The following NRBP2 variants were observed in gnomAD, a reference collection of about 807,000 sequenced individuals.
The protein encoded by NRBP2 is nuclear receptor binding protein 2, also known as nuclear receptor-binding protein 2.
A neutral mutation model predicts 74.4 loss-of-function variants in NRBP2; 47 were observed. The observed-to-expected ratio is 0.63, with a 90% CI of 0.50 to 0.81. The LOEUF is 0.81. Ranked by LOEUF, NRBP2 falls within the 30% of genes least tolerant of loss-of-function variation. The pLI is 0.00. For missense variants in NRBP2, 613 were observed against 690.1 expected (o/e 0.89, Z 1.25); for synonymous variants, 312 against 273.8 (o/e 1.14, Z -1.38).
At chr8:143,830,784 C>A (rs1222742406), downstream of NRBP2, among the ~76,000 whole-genome samples, 2 of 152,018 alleles carry the variant, frequency 1.3e-5, no homozygotes, top group Admixed American at 1.3e-4. Flanking sequence ...ATAAAGGAAG[C>A]CGAAGAAAAA....
downstream of NRBP2, among the ~76,000 whole-genome samples, chr8:143,830,578 CAAAAG>C (rs1818115811): frequency 6.6e-6 from 1 of 152,202 alleles, no homozygotes; most frequent in Admixed American, 6.5e-5. Context: ...GCTCCTAGCT[CAAAAG>C]AAAAGACTGG....
chr8:143,835,937 C>T lies in NRBP2; in HGVS notation c.1381+30G>A, dbSNP rs1199307282. ...GCCCACCCGCCGCCTGGGGTCACCG[C>T]CCGCCGCCCAAGTCCCCTGCCCAGC... On this transcript the variant is annotated intron_variant, in intron 16 of 17. Coordinates refer to ENST00000442628, the MANE Select transcript of NRBP2 (RefSeq NM_178564.4). The surrounding 1 kb of genome is among the most constrained non-coding windows in gnomAD (Gnocchi z 4.9). 1 of 1,590,610 alleles carries T rather than the reference C, an allele frequency of 6.3e-7. No homozygotes were observed. Among genetic ancestry groups the T allele is most frequent in the South Asian group, 1.1e-5 (1 of 89,086 alleles).
chr8:143,837,243 T>C lies in NRBP2; in HGVS notation c.1127+6A>G, dbSNP rs376652355. 423 of 1,613,840 alleles carry C rather than the reference T, an allele frequency of 2.6e-4. No individual in the cohort carries two copies. The highest frequency in any genetic ancestry group is 2.1e-3 in the Middle Eastern group (13 of 6,060). On this transcript the variant is annotated splice_donor_region_variant and intron_variant, in intron 13 of 17. Transcript: ENST00000442628. The surrounding 1 kb of genome is among the most constrained non-coding windows in gnomAD (Gnocchi z 4.3). Reference sequence around the variant, plus strand: ...GCCTGGCCCCCAACCTTACATCAGTTCTCACCTGACATCCTCCAGGAATTT... The same window carrying C: ...GCCTGGCCCCCAACCTTACATCAGTCCTCACCTGACATCCTCCAGGAATTT...
Position 143,838,913 on chromosome 8 carries a change from G to A in NRBP2, c.714C>T (p.Asp238=). 1 of 1,611,380 alleles carries A rather than the reference G, an allele frequency of 6.2e-7. No homozygotes were observed. Among genetic ancestry groups the A allele is most frequent in the Non-Finnish European group, 8.5e-7 (1 of 1,178,850 alleles). ...YGEVADGTAV[D]IFSFGMCALE... is the part of the protein sequence containing the mutation. ...GCGCACACATCCCAAAGGAGAAGAT[G>A]TCCACAGCGGTCCCATCGGCCACCT... is the stretch of plus-strand genomic sequence containing the variant. The change falls in exon 9 of 18, where the codon GAC becomes GAT. Residue 238 remains aspartate, a synonymous_variant. Transcript: ENST00000442628.
In NRBP2 at chr8:143,839,252, G is replaced by C; in HGVS notation, c.581-57C>G. The C allele has an allele frequency of 1.3e-6, 2 of 1,535,218 alleles. No individual in the cohort carries two copies. The highest frequency in any genetic ancestry group is 1.7e-6 in the Non-Finnish European group (2 of 1,146,200). On this transcript the variant is annotated intron_variant, in intron 6 of 17. Transcript: ENST00000442628. This position sits in a 1 kb window ranked among gnomAD's most constrained non-coding sequence, Gnocchi z 5.1. ...GCTGCTGGGGCATCAGAACTCCTCT[G>C]CCCTTGGCTCCAGGCACCTTCCCCT...
rs1232076669 is a variant in NRBP2, at chr8:143,833,964, CTTTAA to C, written c.*1693_*1697del. 2.0e-5 allele frequency: 3 copies of C among 152,116 alleles called. No homozygotes were observed. The highest frequency in any genetic ancestry group is 4.4e-5 in the Non-Finnish European group (3 of 68,028). 9.4% of individuals were successfully genotyped at this position (152,116 alleles called of 1,614,324 possible). A position where few individuals can be genotyped will look rare whatever the true frequency, so the allele number is the denominator to read the frequency against. Reference sequence around the variant, plus strand: ...ATAACTGAGATTCACGATTTTGTACCTTTAATTTATTTGATATGCGTTAGTAAGTC... The same window carrying C: ...ATAACTGAGATTCACGATTTTGTACCTTTATTTGATATGCGTTAGTAAGTC... On this transcript the variant is annotated 3_prime_UTR_variant, in exon 18 of 18. Coordinates refer to ENST00000442628, the MANE Select transcript of NRBP2 (RefSeq NM_178564.4).
In NRBP2 at chr8:143,834,403, GC is replaced by G. The variant is rs1347346837; in HGVS notation, c.*1258del. Reference sequence around the variant, plus strand: ...CTGCCACCGAAAGGATGTGGATTCTGCCAGCAGCCTGAAGGAGCAGGAGACA... The same window carrying G: ...CTGCCACCGAAAGGATGTGGATTCTGCAGCAGCCTGAAGGAGCAGGAGACA... On this transcript the variant is annotated 3_prime_UTR_variant, in exon 18 of 18. Transcript: ENST00000442628. 6.6e-6 allele frequency: 1 copy of G among 152,248 alleles called. No homozygotes were observed. The highest frequency in any genetic ancestry group is 1.5e-5 in the Non-Finnish European group (1 of 68,046). The allele number at this position is 152,248 out of a possible 1,614,324, so 9.4% of individuals were successfully genotyped here. A position where few individuals can be genotyped will look rare whatever the true frequency, so the allele number is the denominator to read the frequency against.
chr8:143,832,680 T>C (rs1455287554), downstream of NRBP2, among the ~76,000 whole-genome samples: 1 of 152,224 alleles, frequency 6.6e-6, no homozygotes, highest in African/African-American at 2.4e-5. Flanking sequence ...TTGTCTATGA[T>C]GCAAAGACCT....
At position 143,839,886 on chromosome 8, in the gene NRBP2, C is replaced by T; in HGVS notation, c.354+43G>A. 6.5e-7 allele frequency: 1 copy of T among 1,535,088 alleles called. No individual in the cohort carries two copies. Among genetic ancestry groups the T allele is most frequent in the Non-Finnish European group, 8.7e-7 (1 of 1,145,946 alleles). On this transcript the variant is annotated intron_variant, in intron 3 of 17. Transcript: ENST00000442628. This position sits in a 1 kb window ranked among gnomAD's most constrained non-coding sequence, Gnocchi z 5.1. ...GGGTTCGTCCCCATGCCCGCCCCAC[C>T]TAGCTGTGGTCTCTGCCTGCCCGGG...
Position 143,835,742 on chromosome 8 carries a change from G to C in NRBP2, c.1438-12C>G, listed in dbSNP as rs901463706. The C allele has an allele frequency of 2.1e-5, 34 of 1,596,522 alleles. No individual in the cohort carries two copies. Among genetic ancestry groups the C allele is most frequent in the Admixed American group, 1.4e-4 (8 of 55,642 alleles). On this transcript the variant is annotated splice_polypyrimidine_tract_variant and intron_variant, in intron 17 of 17. Coordinates refer to ENST00000442628, the MANE Select transcript of NRBP2 (RefSeq NM_178564.4). This position sits in a 1 kb window ranked among gnomAD's most constrained non-coding sequence, Gnocchi z 4.9. ...TTCATCCGGTCGTCCTGCGGAAGGA[G>C]GGAGGCATGGGGGACGGAGGGGCGC...
At chr8:143,836,414 A>C (rs1055557619) in intron 14 of NRBP2, among the ~76,000 whole-genome samples, 3 of 152,030 alleles carry the variant, frequency 2.0e-5, no homozygotes, top group Non-Finnish European at 4.4e-5. Flanking sequence ...ACTTGAACAA[A>C]GAGGGAACTG....
Position 143,837,747 on chromosome 8 carries a change from G to A in NRBP2, c.849C>T (p.Ile283=). The A allele has an allele frequency of 6.4e-7, 1 of 1,560,326 alleles. No homozygotes were observed. The highest frequency in any genetic ancestry group is 8.7e-7 in the Non-Finnish European group (1 of 1,151,288). The part of the protein sequence containing the change: ...SLSDPNMREF[I]LCCLARDPAR... The stretch of plus-strand genomic sequence containing the variant: ...CAGGGTCCCGGGCCAGGCAGCAAAG[G>A]ATGAACTCCTGGGGCACAGGGAGGA... Residue 283 remains isoleucine, a synonymous_variant, in exon 11 of 18, where the codon ATC becomes ATT. Coordinates refer to ENST00000442628, the MANE Select transcript of NRBP2 (RefSeq NM_178564.4). This position sits in a 1 kb window ranked among gnomAD's most constrained non-coding sequence, Gnocchi z 4.3.
rs2130549967 is a variant in NRBP2 at position 143,838,791 on chromosome 8, A to T, written c.745-16T>A. 1 of 1,611,952 alleles carries T rather than the reference A, an allele frequency of 6.2e-7. No individual in the cohort carries two copies. Among genetic ancestry groups the T allele is most frequent in the East Asian group, 2.2e-5 (1 of 44,836 alleles). ...GTACAGCCATCTGGGGCACAGAGCC[A>T]GGTCAGGCATGGGGAAGGGACCACA... On this transcript the variant is annotated splice_polypyrimidine_tract_variant and intron_variant, in intron 9 of 17. Coordinates refer to ENST00000442628, the MANE Select transcript of NRBP2 (RefSeq NM_178564.4).
At position 143,840,309 on chromosome 8, in the gene NRBP2, T is replaced by A. The variant is rs1295789048; in HGVS notation, c.130-80A>T. 2.0e-6 allele frequency: 3 copies of A among 1,505,516 alleles called. No individual in the cohort carries two copies. Among genetic ancestry groups the A allele is most frequent in the Non-Finnish European group, 2.7e-6 (3 of 1,126,774 alleles). 93.3% of individuals were successfully genotyped at this position (1,505,516 alleles called of 1,614,324 possible). A position where few individuals can be genotyped will look rare whatever the true frequency, so the allele number is the denominator to read the frequency against. ...AGGATTTGGTCCCTGTCCACACCTT[T>A]CCAGTGGGCCCAAGCGTGGGCTGCA... On this transcript the variant is annotated intron_variant, in intron 1 of 17. Transcript: ENST00000442628. The surrounding 1 kb of genome is among the most constrained non-coding windows in gnomAD (Gnocchi z 5.7).
chr8:143,839,853 C>A lies in NRBP2; in HGVS notation c.355-28G>T. 9 of 1,535,824 alleles carry A rather than the reference C, an allele frequency of 5.9e-6. No homozygotes were observed. The highest frequency in any genetic ancestry group is 7.8e-6 in the Non-Finnish European group (9 of 1,146,628). On this transcript the variant is annotated intron_variant, in intron 3 of 17. Transcript: ENST00000442628. This position sits in a 1 kb window ranked among gnomAD's most constrained non-coding sequence, Gnocchi z 5.1. Reference sequence around the variant, plus strand: ...GCACGGTGCGAGCTCAGGATTTCCACCAGCTGCGGGTTCGTCCCCATGCCC... The same window carrying A: ...GCACGGTGCGAGCTCAGGATTTCCAACAGCTGCGGGTTCGTCCCCATGCCC...
Position 143,839,075 on chromosome 8 carries a change from G to A in NRBP2, c.630C>T (p.Pro210=), listed in dbSNP as rs782136945. 9.8e-6 allele frequency: 15 copies of A among 1,530,194 alleles called. No individual in the cohort carries two copies. In the South Asian group the frequency reaches 1.6e-4, roughly 16 times the overall value. The allele number at this position is 1,530,194 out of a possible 1,614,324, so 94.8% of individuals were successfully genotyped here. The change falls in exon 8 of 18, where the codon CCC becomes CCT. Residue 210 remains proline (P), a synonymous_variant. Transcript: ENST00000442628. The surrounding 1 kb of genome is among the most constrained non-coding windows in gnomAD (Gnocchi z 5.1). ...SNALPDDLRS[P]IRAEREELRN... is the part of the protein sequence containing the mutation. ...GAAGTTCCTCTCGCTCAGCGCGGATGGGGCTTCGGAGATCATCTGGAAGTG... is the reference window on the plus strand; with the variant it reads ...GAAGTTCCTCTCGCTCAGCGCGGATAGGGCTTCGGAGATCATCTGGAAGTG...
chr8:143,836,521 G>A (rs1818397579), intron 14 of NRBP2, among the ~76,000 whole-genome samples: 1 of 151,986 alleles, frequency 6.6e-6, no homozygotes, highest in Non-Finnish European at 1.5e-5. Context: ...GTCAGCTGAG[G>A]ACTCCCATGA....
At position 143,837,629 on chromosome 8, in the gene NRBP2, G is replaced by A. The variant is rs781870491; in HGVS notation, c.967C>T (p.His323Tyr). 40 of 1,600,326 alleles carry A rather than the reference G, an allele frequency of 2.5e-5. No individual in the cohort carries two copies. The highest frequency in any genetic ancestry group is 3.4e-5 in the Non-Finnish European group (40 of 1,173,760). Residue 323 changes from histidine (H) to tyrosine (Y), a missense_variant, in exon 11 of 18, where the codon CAC (histidine) becomes TAC (tyrosine). Physicochemically the swap from His to Tyr is moderately conservative, Grantham distance 83. Transcript: ENST00000442628. This position sits in a 1 kb window ranked among gnomAD's most constrained non-coding sequence, Gnocchi z 4.3. ...GGGCCGGCCTGCTGCTCACACTGGT[G>A]CTGGATGAAGCAGTGGGCTGCCAGG... Reference protein sequence around the residue: ...KLLAAHCFIQHQYLMPENVVE... With the variant: ...KLLAAHCFIQYQYLMPENVVE...
chr8:143,839,044 G>C lies in NRBP2; in HGVS notation c.661C>G (p.Leu221Val), dbSNP rs1368493487. 4 of 1,540,632 alleles carry C rather than the reference G, an allele frequency of 2.6e-6. No individual in the cohort carries two copies. Among genetic ancestry groups the C allele is most frequent in the Non-Finnish European group, 3.5e-6 (4 of 1,145,526 alleles). Reference sequence around the variant, plus strand: ...CCATACTCTGGGGGGAAGAAGTGCAGGTTCCGAAGTTCCTCTCGCTCAGCG... The same window carrying C: ...CCATACTCTGGGGGGAAGAAGTGCACGTTCCGAAGTTCCTCTCGCTCAGCG... ...IRAEREELRN[L>V]HFFPPEYGEV... Residue 221 changes from leucine (L) to valine (V), a missense_variant, in exon 8 of 18, where the codon CTG (leucine) becomes GTG (valine). Leu to Val is a conservative substitution (Grantham distance 32, BLOSUM62 1). Around this residue, in one of 2 missense-constraint regions of NRBP2, gnomAD observed 332 missense variants for 429.2 expected, o/e 0.77. Transcript: ENST00000442628. This position sits in a 1 kb window ranked among gnomAD's most constrained non-coding sequence, Gnocchi z 5.1.
Sources: gnomAD v4.1 joint callset for allele counts (sites outside exome capture counted in the v4.1 genomes callset) on GRCh38, gnomAD v4.1.1 for gene constraint, gnomAD v4.1.1 regional missense constraint, Gnocchi (gnomAD v3.1) non-coding constraint, MANE v1.5 for transcripts, NCBI Gene and HGNC (gene_info 2026-07-23, HGNC 2026-07-21) for gene names.